The following ENOX1 variants were observed in gnomAD, a reference collection of about 807,000 sequenced individuals.
The protein encoded by ENOX1 is ecto-NOX disulfide-thiol exchanger 1.
ENOX1 carries 42 observed loss-of-function variants against 82.5 expected under a neutral mutation model. The ratio of observed to expected loss-of-function variants is 0.51; its 90% confidence interval spans 0.40 to 0.66. ENOX1 has a LOEUF of 0.66. Among genes scored for constraint, ENOX1 ranks in the 30% least tolerant of loss-of-function variants. ENOX1 has a pLI of 0.00. For missense variants in ENOX1, 608 were observed against 811.6 expected, an observed-to-expected ratio of 0.75 and a Z score of 3.05; for synonymous variants, 271 against 282.2, an observed-to-expected ratio of 0.96 and a Z score of 0.40.
chr13:43,637,596 G>A (rs1369435426), intron 2 of ENOX1, among the ~76,000 whole-genome samples: 1 of 151,800 alleles, frequency 6.6e-6, no homozygotes, highest in East Asian at 1.9e-4. Flanking sequence ...GTTAGAACAT[G>A]TATGGATTAG....
intron 5 of ENOX1, among the ~76,000 whole-genome samples, chr13:43,410,557 TTATTA>T (rs967830658): frequency 1.3e-5 from 2 of 151,844 alleles, no homozygotes; most frequent in African/African-American, 4.8e-5. Flanking sequence ...ATATTCTTTC[TTATTA>T]TATTAAAAAA....
chr13:43,346,266 G>T (rs537392728), intron 8 of ENOX1, among the ~76,000 whole-genome samples: 7 of 152,094 alleles, frequency 4.6e-5, no homozygotes, highest in African/African-American at 1.7e-4. Flanking sequence ...AAGGTCCTAC[G>T]GCTGAACTCT....
intron 11 of ENOX1, among the ~76,000 whole-genome samples, chr13:43,303,452 C>G (rs2046695880): frequency 6.6e-6 from 1 of 152,202 alleles, no homozygotes; most frequent in Non-Finnish European, 1.5e-5. Flanking sequence ...TCATGCTTCT[C>G]TTTGTATAGA....
intron 1 of ENOX1, among the ~76,000 whole-genome samples, chr13:43,740,128 C>G (rs1291403706): frequency 1.3e-5 from 2 of 152,074 alleles, no homozygotes; most frequent in Admixed American, 1.3e-4. Context: ...GTGTTCCCAG[C>G]AGAGGGAACA....
intron 5 of ENOX1, among the ~76,000 whole-genome samples, chr13:43,388,444 T>C (rs2052565522): frequency 6.6e-6 from 1 of 152,204 alleles, no homozygotes; most frequent in Non-Finnish European, 1.5e-5. Flanking sequence ...TAAAACCTGT[T>C]TGACAACTCA....
At chr13:43,453,319 C>T (rs1384226659) in intron 3 of ENOX1, among the ~76,000 whole-genome samples, 1 of 152,168 alleles carries the variant, frequency 6.6e-6, no homozygotes, top group African/African-American at 2.4e-5. Context: ...TTTTAGGGAG[C>T]AGTACCTCTG....
At chr13:43,477,483 G>C (rs1250441249) in intron 3 of ENOX1, among the ~76,000 whole-genome samples, 1 of 152,084 alleles carries the variant, frequency 6.6e-6, no homozygotes, top group African/African-American at 2.4e-5. Context: ...TTATTTCTGA[G>C]CTGAGCTGAG....
At position 43,365,743 on chromosome 13, in the gene ENOX1, C is replaced by T. The variant is rs148092201; in HGVS notation, c.209-4291G>A. Reference sequence around the variant, plus strand: ...AGATAGACCCCTCAGTTATCAGATACGGAGCACAGGTCACAGCCTGACCAG... The same window carrying T: ...AGATAGACCCCTCAGTTATCAGATATGGAGCACAGGTCACAGCCTGACCAG... On this transcript the variant is annotated intron_variant, in intron 5 of 16. Transcript: ENST00000690772. Among the ~76,000 whole-genome samples, 408 of 152,334 alleles carry T rather than the reference C, an allele frequency of 2.7e-3. 5 individuals carry two copies. The highest frequency in any genetic ancestry group is 9.1e-3 in the African/African-American group (380 of 41,568).
chr13:43,382,176 C>T (rs1293991264), intron 5 of ENOX1, among the ~76,000 whole-genome samples: 1 of 151,624 alleles, frequency 6.6e-6, no homozygotes, highest in Non-Finnish European at 1.5e-5. Flanking sequence ...GTAGTTTATC[C>T]CAGAGATACA....
chr13:43,257,484 A>G (rs993865152), intron 14 of ENOX1, among the ~76,000 whole-genome samples: 1 of 152,216 alleles, frequency 6.6e-6, no homozygotes, highest in Non-Finnish European at 1.5e-5. Context: ...TTATTGATAA[A>G]GAAAAATGTA....
At chr13:43,301,417 G>A (rs1184370713) in intron 11 of ENOX1, among the ~76,000 whole-genome samples, 1 of 152,034 alleles carries the variant, frequency 6.6e-6, no homozygotes, top group African/African-American at 2.4e-5. Context: ...TATTTTAGGG[G>A]ATCTCTTACA....
chr13:43,648,001 T>C (rs542826309), intron 2 of ENOX1, among the ~76,000 whole-genome samples: 2 of 152,200 alleles, frequency 1.3e-5, no homozygotes, highest in East Asian at 3.9e-4. Flanking sequence ...GGCAAGAGCA[T>C]GGATCTCCCC....
intron 2 of ENOX1, among the ~76,000 whole-genome samples, chr13:43,596,845 T>C (rs1366281787): frequency 1.3e-5 from 2 of 152,218 alleles, no homozygotes; most frequent in Non-Finnish European, 2.9e-5. Flanking sequence ...GTGCCTATGC[T>C]TGGGCAAGTG....
In ENOX1 at chr13:43,213,983, T is replaced by C. The variant is rs1479189275; in HGVS notation, c.*7A>G. 2 of 1,612,972 alleles carry C rather than the reference T, an allele frequency of 1.2e-6. No individual in the cohort carries two copies. The highest frequency in any genetic ancestry group is 2.2e-5 in the South Asian group (2 of 90,862). On this transcript the variant is annotated 3_prime_UTR_variant, in exon 17 of 17. Coordinates refer to ENST00000690772, the MANE Select transcript of ENOX1 (RefSeq NM_001347969.2). The stretch of plus-strand genomic sequence containing the variant: ...TTTCATTTCCAGAGATGCTTTGCTC[T>C]TCGCAGTTAGGTAGTTTTAATTCCT...
intron 14 of ENOX1, among the ~76,000 whole-genome samples, chr13:43,256,230 G>A (rs1021061976): frequency 6.6e-6 from 1 of 152,148 alleles, no homozygotes; most frequent in Non-Finnish European, 1.5e-5. Flanking sequence ...AATGCTCCAG[G>A]ACACTGGTCT....
intron 3 of ENOX1, among the ~76,000 whole-genome samples, chr13:43,419,287 A>G (rs2054832337): frequency 6.6e-6 from 1 of 152,128 alleles, no homozygotes; most frequent in South Asian, 2.1e-4. Flanking sequence ...AGGAGCTAAT[A>G]TCTATAATCC....
intron 12 of ENOX1, among the ~76,000 whole-genome samples, chr13:43,279,519 A>T (rs1001748402): frequency 6.6e-6 from 1 of 152,076 alleles, no homozygotes; most frequent in Non-Finnish European, 1.5e-5. Flanking sequence ...TCTAAAATCT[A>T]TTTTCTCTTC....
chr13:43,577,351 C>T (rs1034474911), intron 2 of ENOX1, among the ~76,000 whole-genome samples: 7 of 152,166 alleles, frequency 4.6e-5, no homozygotes, highest in African/African-American at 1.7e-4. Flanking sequence ...AGGCTGATCT[C>T]AAACTCCTGA....
chr13:43,264,032 C>T (rs180831731), intron 14 of ENOX1, among the ~76,000 whole-genome samples: 77 of 152,308 alleles, frequency 5.1e-4, no homozygotes, highest in Non-Finnish European at 9.8e-4. Context: ...CTATTCACTC[C>T]CCAAAACCAA....
Sources: allele counts gnomAD v4.1 joint callset (sites outside exome capture counted in the v4.1 genomes callset), GRCh38; gene constraint gnomAD v4.1.1; transcripts MANE v1.5; gene names NCBI Gene and HGNC (gene_info 2026-07-23, HGNC 2026-07-21).